NSUN6: variants seen among roughly 807,000 people sequenced by gnomAD.
NSUN6 encodes NOP2/Sun RNA methyltransferase 6.
Under a neutral mutation model 58.0 loss-of-function variants are expected in NSUN6, and 64 were observed. The ratio of observed to expected loss-of-function variants is 1.10; its 90% CI spans 0.90 to 1.36. The LOEUF (loss-of-function observed/expected upper bound fraction) is 1.36. Ranked by LOEUF, NSUN6 falls within the 40% of genes most tolerant of loss-of-function variation. The pLI, the probability that NSUN6 is intolerant of heterozygous loss-of-function variation, is 0.00. For synonymous variants in NSUN6, 231 were observed against 193.9 expected, an observed-to-expected ratio of 1.19 and a Z score of -1.59; for missense variants, 701 against 550.1, an observed-to-expected ratio of 1.27 and a Z score of -2.74.
chr10:18,546,340 C>T (rs2054259358), intron 10 of NSUN6, among the ~76,000 whole-genome samples, 195 bp from the exon 11 acceptor site: 2 of 152,170 alleles, frequency 1.3e-5, no homozygotes, highest in Non-Finnish European at 1.5e-5. Flanking sequence ...CAATACTATG[C>T]GTCACCTGAT....
chr10:18,564,613 C>T (rs1376776161), intron 8 of NSUN6, among the ~76,000 whole-genome samples: 1 of 150,700 alleles, frequency 6.6e-6, no homozygotes, highest in Non-Finnish European at 1.5e-5. Context: ...TACCATTCTC[C>T]ATTCCAGCTC....
At chr10:18,589,719 G>A (rs1200626274) in intron 7 of NSUN6, among the ~76,000 whole-genome samples, 3 of 152,134 alleles carry the variant, frequency 2.0e-5, no homozygotes, top group Non-Finnish European at 4.4e-5. Flanking sequence ...GAGGGATTTT[G>A]TCACCACCAG....
chr10:18,651,838 AG>A (rs1421383388), upstream of NSUN6: 2 of 985,314 alleles, frequency 2.0e-6, no homozygotes, highest in Non-Finnish European at 2.4e-6. Flanking sequence ...CCGGTACCGG[AG>A]GGCTAGGTGC....
chr10:18,560,012 AGAATG>A (rs2055362703), intron 8 of NSUN6, among the ~76,000 whole-genome samples: 1 of 150,548 alleles, frequency 6.6e-6, no homozygotes, highest in Admixed American at 6.7e-5. Flanking sequence ...AATGCAATGG[AGAATG>A]GAATGGAATG....
chr10:18,561,645 T>A (rs1236550782), intron 8 of NSUN6, among the ~76,000 whole-genome samples: 5 of 117,794 alleles, frequency 4.2e-5, no homozygotes, highest in East Asian at 2.6e-4. Context: ...TGGAGGATGG[T>A]ATGGAAAATG....
chr10:18,546,130 C>T lies in NSUN6; in HGVS notation c.1213G>A (p.Gly405Arg), dbSNP rs774687732. ...QLQPQEPQIG[G>R]EGMRGAGLSC... ...AGCCCAGCTCCCCTCATTCCTTCTC[C>T]TCCAATCTGCGGTTCCTGTTTGGAG... Residue 405 changes from glycine to arginine, a missense_variant, in exon 11 of 11, where the codon GGA becomes AGA. Transcript: ENST00000377304. The T allele has an allele frequency of 1.9e-6, 3 of 1,612,516 alleles. No homozygotes were observed. The highest frequency in any genetic ancestry group is 2.2e-5 in the East Asian group (1 of 44,866).
chr10:18,566,534 C>T (rs1244680731), intron 8 of NSUN6, among the ~76,000 whole-genome samples: 3 of 149,148 alleles, frequency 2.0e-5, no homozygotes, highest in Admixed American at 2.0e-4. Flanking sequence ...ATTCTACATT[C>T]CTGTCCAATC....
At chr10:18,560,295 G>A (rs983804162) in intron 8 of NSUN6, among the ~76,000 whole-genome samples, 1 of 151,182 alleles carries the variant, frequency 6.6e-6, no homozygotes, top group Non-Finnish European at 1.5e-5. Context: ...ATGGAATGGA[G>A]AATGGAATAG....
At chr10:18,553,414 T>C (rs901314967) in intron 8 of NSUN6, among the ~76,000 whole-genome samples, 3 of 143,228 alleles carry the variant, frequency 2.1e-5, no homozygotes, top group Non-Finnish European at 3.0e-5. Context: ...GAACGGAGAA[T>C]GGAATGGAAT....
At chr10:18,588,113 G>A (rs2057238451) in intron 7 of NSUN6, among the ~76,000 whole-genome samples, 1 of 152,196 alleles carries the variant, frequency 6.6e-6, no homozygotes, top group Non-Finnish European at 1.5e-5. Flanking sequence ...GAGTCTTCAG[G>A]AGGCTGTTGT....
intron 8 of NSUN6, among the ~76,000 whole-genome samples, chr10:18,563,629 T>TC (rs1208016215): frequency 2.0e-5 from 3 of 150,784 alleles, no homozygotes; most frequent in Non-Finnish European, 4.5e-5. Flanking sequence ...TCCATTCCAT[T>TC]CCATTGCATT....
Position 18,546,020 on chromosome 10 carries a change from C to T in NSUN6, c.1323G>A (p.Glu441=), listed in dbSNP as rs1384204939. The T allele has an allele frequency of 6.3e-7, 1 of 1,584,770 alleles. No individual in the cohort carries two copies. Among genetic ancestry groups the T allele is most frequent in the South Asian group, 1.2e-5 (1 of 85,626 alleles). ...LPDTDMDSLR[E]ARREDMLRLA... is the part of the protein sequence containing the mutation. Reference sequence around the variant, plus strand: ...GACGCAACATGTCTTCTCTTCTGGCCTCTCTAAGAGAGTCCATGTCAGTGT... The same window carrying T: ...GACGCAACATGTCTTCTCTTCTGGCTTCTCTAAGAGAGTCCATGTCAGTGT... Residue 441 remains glutamate, a synonymous_variant, in exon 11 of 11, where the codon GAG becomes GAA. Coordinates refer to ENST00000377304, the MANE Select transcript of NSUN6 (RefSeq NM_182543.5).
At chr10:18,649,170 G>T (rs2059634171) in intron 1 of NSUN6, among the ~76,000 whole-genome samples, 1 of 152,020 alleles carries the variant, frequency 6.6e-6, no homozygotes. Flanking sequence ...TTTTTAATAT[G>T]GTGTTATTAA....
intron 6 of NSUN6, among the ~76,000 whole-genome samples, chr10:18,604,321 T>A (rs1230935576): frequency 6.6e-6 from 1 of 152,186 alleles, no homozygotes; most frequent in Non-Finnish European, 1.5e-5. Flanking sequence ...ACAATACACA[T>A]TTATTTAAAT....
chr10:18,588,146 T>C (rs898303174), intron 7 of NSUN6, among the ~76,000 whole-genome samples: 2 of 152,172 alleles, frequency 1.3e-5, no homozygotes, highest in South Asian at 4.1e-4. Flanking sequence ...CTAAGGAGAC[T>C]GGGAGGTTTG....
Position 18,651,120 on chromosome 10 carries a change from T to C in NSUN6, c.75+9A>G. ...GCAAAATATCAACTAACATCTTTAC[T>C]TGACCTACCTCCTTATTCATAAAGC... On this transcript the variant is annotated intron_variant, in intron 1 of 10. Transcript: ENST00000377304. The C allele has an allele frequency of 6.4e-7, 1 of 1,573,202 alleles. No individual in the cohort carries two copies. Among genetic ancestry groups the C allele is most frequent in the African/African-American group, 1.4e-5 (1 of 71,892 alleles).
intron 5 of NSUN6, among the ~76,000 whole-genome samples, chr10:18,611,786 G>A (rs560634445): frequency 6.6e-6 from 1 of 151,958 alleles, no homozygotes; most frequent in African/African-American, 2.4e-5. Flanking sequence ...GCCCAGACTG[G>A]CATCAAACAC....
intron 6 of NSUN6, among the ~76,000 whole-genome samples, chr10:18,607,061 A>G (rs1342397449): frequency 6.6e-6 from 1 of 152,198 alleles, no homozygotes; most frequent in Non-Finnish European, 1.5e-5. Context: ...ATAATTTTCA[A>G]TATATTATTA....
intron 7 of NSUN6, among the ~76,000 whole-genome samples, chr10:18,588,762 G>A (rs947822174): frequency 1.3e-5 from 2 of 152,112 alleles, no homozygotes; most frequent in Non-Finnish European, 2.9e-5. Flanking sequence ...CCCATCCAAA[G>A]GTCATCAACC....
Sources: allele counts gnomAD v4.1 joint callset (sites outside exome capture counted in the v4.1 genomes callset), GRCh38; gene constraint gnomAD v4.1.1; transcripts MANE v1.5; gene names NCBI Gene and HGNC (gene_info 2026-07-23, HGNC 2026-07-21).